DPYSL2: variants seen among roughly 807,000 people sequenced by gnomAD.
DPYSL2 encodes dihydropyrimidinase-related protein 2.
DPYSL2 carries 13 observed loss-of-function variants against 69.9 expected under a neutral mutation model. That is an observed-to-expected ratio of 0.19 (90% confidence interval 0.12 to 0.30). The LOEUF is 0.30. Among genes scored for constraint, DPYSL2 ranks in the 10% least tolerant of loss-of-function variants. DPYSL2 has a pLI of 1.00. For synonymous variants in DPYSL2, 326 were observed against 359.1 expected, an observed-to-expected ratio of 0.91 and a Z score of 1.04; for missense variants, 587 against 918.9, an observed-to-expected ratio of 0.64 and a Z score of 4.67.
intron 3 of DPYSL2, among the ~76,000 whole-genome samples, chr8:26,592,561 C>G (rs892776008): frequency 6.6e-6 from 1 of 151,786 alleles, no homozygotes; most frequent in Admixed American, 6.6e-5. Flanking sequence ...CTGCAACCTC[C>G]ACCTCCCAGG....
rs1429835503 is a variant in DPYSL2 at position 26,658,036 on chromosome 8, A to G, written c.*2330A>G. 6.6e-6 allele frequency: 1 copy of G among 152,618 alleles called. No homozygotes were observed. The highest frequency in any genetic ancestry group is 2.4e-5 in the African/African-American group (1 of 41,444). The allele number at this position is 152,618 out of a possible 1,614,324, so 9.5% of individuals were successfully genotyped here. ...TAAAGCTGATAAAGTGTGTAGCCAG[A>G]AGAGTACTTTTTTTTTTGTAACCAC... On this transcript the variant is annotated 3_prime_UTR_variant, in exon 14 of 14. Transcript: ENST00000521913. The surrounding 1 kb of genome is among the most constrained non-coding windows in gnomAD (Gnocchi z 4.7).
Position 26,514,127 on chromosome 8 carries a change from G to T in DPYSL2, c.-199G>T, listed in dbSNP as rs1013648923. ...AGCCGCGGGGGGCGTGGGCAGGGAG[G>T]GGAGAAGCGGGGTCAGGGGGAGGGA... On this transcript the variant is annotated 5_prime_UTR_variant, in exon 1 of 14. Coordinates refer to ENST00000521913, the MANE Select transcript of DPYSL2 (RefSeq NM_001197293.3). This position sits in a 1 kb window ranked among gnomAD's most constrained non-coding sequence, Gnocchi z 8.4. 6 of 413,178 alleles carry T rather than the reference G, an allele frequency of 1.5e-5. No individual in the cohort carries two copies. Among genetic ancestry groups the T allele is most frequent in the Non-Finnish European group, 2.5e-5 (6 of 239,326 alleles). 25.6% of individuals were successfully genotyped at this position (413,178 alleles called of 1,614,324 possible). A position where few individuals can be genotyped will look rare whatever the true frequency, so the allele number is the denominator to read the frequency against.
chr8:26,605,525 A>G lies in DPYSL2; in HGVS notation c.629-18618A>G, dbSNP rs979784745. On this transcript the variant is annotated intron_variant, in intron 3 of 13. Coordinates refer to ENST00000521913, the MANE Select transcript of DPYSL2 (RefSeq NM_001197293.3). This position sits in a 1 kb window ranked among gnomAD's most constrained non-coding sequence, Gnocchi z 4.1. ...AGGCTGGTCTTGAAATCCTGACCTC[A>G]AGTGCCTGCCTCAGCCTCCCTAAGT... 1.2e-4 allele frequency among the ~76,000 whole-genome samples: 18 copies of G among 152,298 alleles called. No homozygotes were observed. Among genetic ancestry groups the G allele is most frequent in the South Asian group, 6.2e-4 (3 of 4,828 alleles).
rs1802643283 is a variant in DPYSL2 at position 26,627,388 on chromosome 8, G to C, written c.936+93G>C. The C allele has an allele frequency of 2.2e-6, 3 of 1,360,138 alleles. No individual in the cohort carries two copies. Among genetic ancestry groups the C allele is most frequent in the Non-Finnish European group, 3.1e-6 (3 of 958,816 alleles). 84.3% of individuals were successfully genotyped at this position (1,360,138 alleles called of 1,614,324 possible). A position where few individuals can be genotyped will look rare whatever the true frequency, so the allele number is the denominator to read the frequency against. On this transcript the variant is annotated intron_variant, in intron 6 of 13. Transcript: ENST00000521913. This position sits in a 1 kb window ranked among gnomAD's most constrained non-coding sequence, Gnocchi z 6.9. ...AGCTGCATCTGTAGCTTAACACCAA[G>C]GTGGAAAAGCAGAGGGACCTGGTGT...
intron 1 of DPYSL2, among the ~76,000 whole-genome samples, chr8:26,581,293 C>T (rs1801486925): frequency 6.6e-6 from 1 of 151,738 alleles, no homozygotes; most frequent in Non-Finnish European, 1.5e-5. Flanking sequence ...CATGGCTTTC[C>T]TATATGTAGG....
intron 1 of DPYSL2, among the ~76,000 whole-genome samples, chr8:26,526,283 C>T (rs567102849): frequency 4.0e-4 from 61 of 152,082 alleles, no homozygotes; most frequent in African/African-American, 9.6e-4. Flanking sequence ...TTAGTAGAGA[C>T]GGGGTTTCAC....
rs941549143 is a variant in DPYSL2, at chr8:26,619,053, C to T, written c.629-5090C>T. 6.6e-6 allele frequency among the ~76,000 whole-genome samples: 1 copy of T among 152,150 alleles called. No homozygotes were observed. The highest frequency in any genetic ancestry group is 6.5e-5 in the Admixed American group (1 of 15,278). On this transcript the variant is annotated intron_variant, in intron 3 of 13. Transcript: ENST00000521913. This position sits in a 1 kb window ranked among gnomAD's most constrained non-coding sequence, Gnocchi z 4.8. Reference sequence around the variant, plus strand: ...CAGCAAAAACTAGAATTTGGGGGCTCCTTGACCCCCAAGCCTATTCTCTTT... The same window carrying T: ...CAGCAAAAACTAGAATTTGGGGGCTTCTTGACCCCCAAGCCTATTCTCTTT...
At chr8:26,549,222 T>TC (rs765431255) in intron 1 of DPYSL2, among the ~76,000 whole-genome samples, 3,090 of 150,100 alleles carry the variant, frequency 0.021, 39 homozygotes, top group South Asian at 0.066. Context: ...ATAATAATAA[T>TC]AATAATCAAA....
intron 1 of DPYSL2, chr8:26,578,550 G>A (rs1436110457): frequency 3.6e-6 from 5 of 1,387,582 alleles, no homozygotes; most frequent in Non-Finnish European, 4.7e-6. Context: ...CGCCAGACCC[G>A]GTCTATCTTT....
rs760394226 is a variant in DPYSL2 at position 26,614,845 on chromosome 8, G to A, written c.629-9298G>A. Reference sequence around the variant, plus strand: ...CCTGCCACCCTTAGGCTAAGGACACGGTTTTCCTATCTGTTTATTGAATTG... The same window carrying A: ...CCTGCCACCCTTAGGCTAAGGACACAGTTTTCCTATCTGTTTATTGAATTG... On this transcript the variant is annotated intron_variant, in intron 3 of 13. Transcript: ENST00000521913. The surrounding 1 kb of genome is among the most constrained non-coding windows in gnomAD (Gnocchi z 4.9). 8.5e-5 allele frequency among the ~76,000 whole-genome samples: 13 copies of A among 152,344 alleles called. No homozygotes were observed. Among genetic ancestry groups the A allele is most frequent in the Middle Eastern group, 3.4e-3 (1 of 294 alleles).
chr8:26,645,203 C>G (rs1803134773), intron 10 of DPYSL2, among the ~76,000 whole-genome samples: 1 of 151,954 alleles, frequency 6.6e-6, no homozygotes, highest in Admixed American at 6.6e-5. Context: ...AGTTCAAGAC[C>G]AGTCTGGCAA....
chr8:26,514,671 A>G lies in DPYSL2; in HGVS notation c.346A>G (p.Asn116Asp). ...GGGCAAAGAAGCCCTGCAGAACATC[A>G]ACGACCAGGTCGGTGTGGGGGTTGG... ...ASGKEALQNI[N>D]DQSDRLLIKG... The change falls in exon 1 of 14, where the codon AAC becomes GAC. Residue 116 changes from asparagine (N) to aspartate (D), a missense_variant. Around this residue, in one of 3 missense-constraint regions of DPYSL2, gnomAD observed 85 missense variants for 77.7 expected, o/e 1.09. Coordinates refer to ENST00000521913, the MANE Select transcript of DPYSL2 (RefSeq NM_001197293.3). The surrounding 1 kb of genome is among the most constrained non-coding windows in gnomAD (Gnocchi z 8.4). The G allele has an allele frequency of 7.6e-7, 1 of 1,308,318 alleles. No homozygotes were observed. The highest frequency in any genetic ancestry group is 1.5e-5 in the South Asian group (1 of 64,648). 81.0% of individuals were successfully genotyped at this position (1,308,318 alleles called of 1,614,324 possible). A position where few individuals can be genotyped will look rare whatever the true frequency, so the allele number is the denominator to read the frequency against.
intron 1 of DPYSL2, among the ~76,000 whole-genome samples, chr8:26,579,897 AAAATT>A (rs1166651250): frequency 6.6e-6 from 1 of 150,708 alleles, no homozygotes; most frequent in Non-Finnish European, 1.5e-5. Context: ...GGGAGAAAAA[AAAATT>A]AAAAGCAAAC....
intron 3 of DPYSL2, among the ~76,000 whole-genome samples, chr8:26,602,335 GTCC>G (rs1003561123): frequency 4.6e-5 from 7 of 151,452 alleles, no homozygotes; most frequent in African/African-American, 1.7e-4. Context: ...GATCTCTCTC[GTCC>G]TCCTAAATCC....
At chr8:26,576,986 C>G (rs1585518598) in intron 1 of DPYSL2, 1 of 306,122 alleles carries the variant, frequency 3.3e-6, no homozygotes, top group Admixed American at 4.7e-5. Flanking sequence ...GAGCGCAGAT[C>G]GCGCCACATC....
At chr8:26,613,555 T>G (rs941585490) in intron 3 of DPYSL2, among the ~76,000 whole-genome samples, 7 of 152,134 alleles carry the variant, frequency 4.6e-5, no homozygotes, top group African/African-American at 1.7e-4. Context: ...TTCCTGAGAC[T>G]AAAGAGGGTC....
Position 26,584,613 on chromosome 8 carries a change from C to CTTT in DPYSL2, c.628+651_628+653dup, listed in dbSNP as rs35587383. On this transcript the variant is annotated intron_variant, in intron 3 of 13. Coordinates refer to ENST00000521913, the MANE Select transcript of DPYSL2 (RefSeq NM_001197293.3). ...TACGTATTGCTCCAAGGGCTTTGTG[C>CTTT]TTTTTTTTTTTTTTTTTTTTTTTGA... Among the ~76,000 whole-genome samples, 909 of 100,084 alleles carry CTTT rather than the reference C, an allele frequency of 9.1e-3. 34 individuals carry two copies. The highest frequency in any genetic ancestry group is 0.031 in the African/African-American group (771 of 24,784). The allele number at this position is 100,084 out of a possible 152,430, so 65.7% of individuals were successfully genotyped here. A position where few individuals can be genotyped will look rare whatever the true frequency, so the allele number is the denominator to read the frequency against.
In DPYSL2 at chr8:26,560,243, G is replaced by C. The variant is rs1383474696; in HGVS notation, c.355-21726G>C. Among the ~76,000 whole-genome samples the C allele has an allele frequency of 6.6e-6, 1 of 152,150 alleles. No homozygotes were observed. The highest frequency in any genetic ancestry group is 2.4e-5 in the African/African-American group (1 of 41,440). On this transcript the variant is annotated intron_variant, in intron 1 of 13. Transcript: ENST00000521913. This position sits in a 1 kb window ranked among gnomAD's most constrained non-coding sequence, Gnocchi z 4.4. Reference sequence around the variant, plus strand: ...GCATGTTTAGAACTTTCACAAAACAGGGTATATTTCCATTCTCCAGGTCAG... The same window carrying C: ...GCATGTTTAGAACTTTCACAAAACACGGTATATTTCCATTCTCCAGGTCAG...
intron 1 of DPYSL2, among the ~76,000 whole-genome samples, chr8:26,561,220 C>G (rs1585509853): frequency 6.6e-6 from 1 of 152,136 alleles, no homozygotes; most frequent in East Asian, 1.9e-4. Context: ...GAAGTACTCT[C>G]CATTCTTGGT....
Sources: gnomAD v4.1 joint callset for allele counts (sites outside exome capture counted in the v4.1 genomes callset) on GRCh38, gnomAD v4.1.1 for gene constraint, gnomAD v4.1.1 regional missense constraint, Gnocchi (gnomAD v3.1) non-coding constraint, MANE v1.5 for transcripts, NCBI Gene and HGNC (gene_info 2026-07-23, HGNC 2026-07-21) for gene names.